MECOM: variants seen among roughly 807,000 people sequenced by gnomAD.
MECOM encodes the protein MDS1 and EVI1 complex locus, also known as histone-lysine N-methyltransferase MECOM.
A neutral mutation model predicts 116.3 loss-of-function variants in MECOM; 13 were observed. That is an observed-to-expected ratio of 0.11 (90% CI 0.07 to 0.18). The LOEUF is 0.18. Ranked by LOEUF, MECOM falls within the 10% of genes least tolerant of loss-of-function variation. The pLI is 1.00. For missense variants in MECOM, 1,299 were observed against 1,509.0 expected (o/e 0.86, Z 2.31); for synonymous variants, 528 against 535.2 (o/e 0.99, Z 0.19).
intron 2 of MECOM, among the ~76,000 whole-genome samples, chr3:169,352,666 A>G (rs971342138): frequency 6.6e-6 from 1 of 151,888 alleles, no homozygotes; most frequent in Non-Finnish European, 1.5e-5. Context: ...CATAAACATC[A>G]TAGTAAAGCT....
rs575868899 is a variant in MECOM at position 169,470,442 on chromosome 3, G to A, written c.38-88918C>T. ...CACACTCAGATCATTGGAGGTCCTG[G>A]CAACCAGATACAAATTTATTCCTTT... On this transcript the variant is annotated intron_variant, in intron 1 of 16. Transcript: ENST00000651503. Among the ~76,000 whole-genome samples, 581 of 152,260 alleles carry A rather than the reference G, an allele frequency of 3.8e-3. 4 individuals carry two copies. Among genetic ancestry groups the A allele is most frequent in the South Asian group, 0.03 (143 of 4,810 alleles).
intron 1 of MECOM, among the ~76,000 whole-genome samples, chr3:169,658,783 A>G (rs1293617520): frequency 6.6e-6 from 1 of 152,146 alleles, no homozygotes; most frequent in East Asian, 1.9e-4. Flanking sequence ...GGGAACAGGG[A>G]AAAAGCCGGT....
At chr3:169,539,395 A>G (rs1406095208) in intron 1 of MECOM, among the ~76,000 whole-genome samples, 1 of 152,038 alleles carries the variant, frequency 6.6e-6, no homozygotes, top group Admixed American at 6.6e-5. Flanking sequence ...CAAATTTCCT[A>G]CCTCTGCCTT....
intron 1 of MECOM, among the ~76,000 whole-genome samples, chr3:169,446,211 C>T (rs1400118635): frequency 1.3e-5 from 2 of 152,138 alleles, no homozygotes; most frequent in Non-Finnish European, 2.9e-5. Context: ...GCTGTGTCCC[C>T]ACCCAACTCT....
intron 2 of MECOM, among the ~76,000 whole-genome samples, chr3:169,219,485 C>T (rs1430824697): frequency 1.3e-5 from 2 of 152,128 alleles, no homozygotes; most frequent in African/African-American, 2.4e-5. Flanking sequence ...CCAGCCTGGG[C>T]GACAGAGCGA....
rs1469289333 is a variant in MECOM, at chr3:169,611,407, CT to C, written c.37+51928del. Among the ~76,000 whole-genome samples, 1 of 152,222 alleles carries C rather than the reference CT, an allele frequency of 6.6e-6. No individual in the cohort carries two copies. The highest frequency in any genetic ancestry group is 1.9e-4 in the East Asian group (1 of 5,202). On this transcript the variant is annotated intron_variant, in intron 1 of 16. Transcript: ENST00000651503. The surrounding 1 kb of genome is among the most constrained non-coding windows in gnomAD (Gnocchi z 4.1). ...GCTTCCATTCACACATTTTGTCCCCCTAACCCTGTCTTTTCTGAGGGTGCAT... is the reference window on the plus strand; with the variant it reads ...GCTTCCATTCACACATTTTGTCCCCCAACCCTGTCTTTTCTGAGGGTGCAT...
Position 169,378,386 on chromosome 3 carries a change from C to CAAGAAAGAAAGAAAGAAAGA in MECOM, c.375+2781_375+2800dup, listed in dbSNP as rs1195791276. Among the ~76,000 whole-genome samples the CAAGAAAGAAAGAAAGAAAGA allele has an allele frequency of 2.7e-3, 160 of 59,254 alleles. 38 individuals carry two copies. Among genetic ancestry groups the CAAGAAAGAAAGAAAGAAAGA allele is most frequent in the South Asian group, 6.0e-3 (9 of 1,494 alleles). The allele number at this position is 59,254 out of a possible 152,430, so 38.9% of individuals were successfully genotyped here. Reference sequence around the variant, plus strand: ...GAAGGAAGGAAGCAAGGAAGGAAGACAAGAAAGAAAGAAAGAAAGAAAGAA... The same window carrying CAAGAAAGAAAGAAAGAAAGA: ...GAAGGAAGGAAGCAAGGAAGGAAGACAAGAAAGAAAGAAAGAAAGAAAGAAAGAAAGAAAGAAAGAAAGAA... On this transcript the variant is annotated intron_variant, in intron 2 of 16. Transcript: ENST00000651503.
rs780483543 is a variant in MECOM at position 169,128,045 on chromosome 3, C to T, written c.629G>A (p.Arg210His). ...APDIHEERQYRCEDCDQLFES... is the reference protein window; with the variant it reads ...APDIHEERQYHCEDCDQLFES... ...AAAGAGCTGGTCACAGTCTTCGCAG[C>T]GATATTGCCGTTCTTCTGTGAAAAC... The change falls in exon 5 of 17, where the codon CGC becomes CAC. Residue 210 changes from arginine (R) to histidine (H), a missense_variant. Arg to His is a conservative substitution (Grantham distance 29). Coordinates refer to ENST00000651503, the MANE Select transcript of MECOM (RefSeq NM_004991.4). The T allele has an allele frequency of 1.2e-6, 2 of 1,613,914 alleles. No homozygotes were observed. The highest frequency in any genetic ancestry group is 1.1e-5 in the South Asian group (1 of 91,072).
chr3:169,359,234 C>T (rs541732754), intron 2 of MECOM, among the ~76,000 whole-genome samples: 1 of 151,824 alleles, frequency 6.6e-6, no homozygotes, highest in South Asian at 2.1e-4. Context: ...TTGCAATTGG[C>T]AATCAGTGCT....
At chr3:169,414,221 C>T (rs1275321298) in intron 1 of MECOM, among the ~76,000 whole-genome samples, 1 of 152,218 alleles carries the variant, frequency 6.6e-6, no homozygotes, top group Non-Finnish European at 1.5e-5. Flanking sequence ...GTTCTGCAGC[C>T]TCCACTGGTG....
At chr3:169,347,573 T>C (rs532395182) in intron 2 of MECOM, among the ~76,000 whole-genome samples, 98 of 151,830 alleles carry the variant, frequency 6.5e-4, no homozygotes, top group Middle Eastern at 3.4e-3. Flanking sequence ...TAACCACAAA[T>C]AAAAGACAAA....
intron 2 of MECOM, among the ~76,000 whole-genome samples, chr3:169,322,328 A>G (rs1721001486): frequency 6.6e-6 from 1 of 152,188 alleles, no homozygotes; most frequent in Non-Finnish European, 1.5e-5. Flanking sequence ...CAGATTGGGA[A>G]TTAGGTGCAA....
chr3:169,192,676 T>C (rs1747871088), intron 2 of MECOM, among the ~76,000 whole-genome samples: 1 of 152,182 alleles, frequency 6.6e-6, no homozygotes, highest in South Asian at 2.1e-4. Flanking sequence ...ATTAATGATG[T>C]TCACTGAATG....
chr3:169,337,157 C>T (rs960117419), intron 2 of MECOM, among the ~76,000 whole-genome samples: 1 of 151,952 alleles, frequency 6.6e-6, no homozygotes, highest in East Asian at 1.9e-4. Context: ...TTTTAGTTAG[C>T]CAATAAGTTA....
In MECOM at chr3:169,107,956, G is replaced by A. The variant is rs567264281; in HGVS notation, c.2578-4C>T. On this transcript the variant is annotated splice_polypyrimidine_tract_variant and splice_region_variant and intron_variant, in intron 9 of 16. Transcript: ENST00000651503. ...TTCTCTGATCAGGCAGTTGGAACTGGGAGCAAAATTGAAACAAAAACAAAA... is the reference window on the plus strand; with the variant it reads ...TTCTCTGATCAGGCAGTTGGAACTGAGAGCAAAATTGAAACAAAAACAAAA... The A allele has an allele frequency of 1.9e-6, 3 of 1,612,168 alleles. No individual in the cohort carries two copies. The highest frequency in any genetic ancestry group is 1.3e-5 in the African/African-American group (1 of 74,952).
At chr3:169,381,616 G>T (rs1732403259) in intron 1 of MECOM, 92 bp from the exon 2 acceptor site, 2 of 939,816 alleles carry the variant, frequency 2.1e-6, no homozygotes, top group Admixed American at 3.0e-5. Context: ...GTTCTTTGAA[G>T]GATAAACAGG....
chr3:169,173,921 T>G (rs562045850), intron 2 of MECOM, among the ~76,000 whole-genome samples: 1 of 152,220 alleles, frequency 6.6e-6, no homozygotes, highest in Non-Finnish European at 1.5e-5. Flanking sequence ...ATGTAATACT[T>G]TGGACTTTAT....
At chr3:169,630,573 C>A (rs1162234571) in intron 1 of MECOM, among the ~76,000 whole-genome samples, 2 of 152,118 alleles carry the variant, frequency 1.3e-5, no homozygotes, top group African/African-American at 4.8e-5. Flanking sequence ...TCACCTCAAC[C>A]TCCTGAGCAG....
intron 1 of MECOM, among the ~76,000 whole-genome samples, chr3:169,608,939 T>C (rs943733251): frequency 6.6e-6 from 1 of 152,194 alleles, no homozygotes; most frequent in African/African-American, 2.4e-5. Context: ...AAACATCCTT[T>C]GTGAAAAATC....
Sources: gnomAD v4.1 joint callset for allele counts (sites outside exome capture counted in the v4.1 genomes callset) on GRCh38, gnomAD v4.1.1 for gene constraint, Gnocchi (gnomAD v3.1) non-coding constraint, MANE v1.5 for transcripts, NCBI Gene and HGNC (gene_info 2026-07-23, HGNC 2026-07-21) for gene names.